Variants in INPP5D observed in about 807,000 individuals in gnomAD.
INPP5D encodes phosphatidylinositol 3,4,5-trisphosphate 5-phosphatase 1.
In INPP5D, 33 loss-of-function variants were observed where a neutral mutation model predicts 122.9. The ratio of observed to expected loss-of-function variants is 0.27; its 90% confidence interval spans 0.20 to 0.36. The LOEUF is 0.36. Among genes scored for constraint, INPP5D ranks in the 10% least tolerant of loss-of-function variants. The probability of loss-of-function intolerance (pLI) is 1.00; values close to 1 mark genes in which losing one functional copy is unlikely to be tolerated. For missense variants in INPP5D, 1,053 were observed against 1,412.7 expected (o/e 0.75, Z 4.08); for synonymous variants, 584 against 576.2 (o/e 1.01, Z -0.19).
chr2:233,152,865 G>T (rs1007573595), intron 9 of INPP5D, among the ~76,000 whole-genome samples: 1 of 38,036 alleles, frequency 2.6e-5, no homozygotes, highest in Non-Finnish European at 4.7e-5. Flanking sequence ...TTTTCAGCTG[G>T]GGGGGGTGTG....
intron 3 of INPP5D, among the ~76,000 whole-genome samples, chr2:233,123,825 A>G (rs1693071406): frequency 1.3e-5 from 2 of 152,364 alleles, no homozygotes; most frequent in South Asian, 2.1e-4. Context: ...AGGAACATGG[A>G]TGGAGCTGGA....
At chr2:233,106,107 G>A (rs60178340) in intron 2 of INPP5D, among the ~76,000 whole-genome samples, 6,065 of 152,298 alleles carry the variant, frequency 0.04, 169 homozygotes, top group African/African-American at 0.066. Context: ...GGAAGACCCC[G>A]GGGGAAAGTT....
intron 13 of INPP5D, among the ~76,000 whole-genome samples, chr2:233,167,619 C>G (rs1223947626): frequency 1.3e-5 from 2 of 152,168 alleles, no homozygotes; most frequent in African/African-American, 4.8e-5. Flanking sequence ...GGGCAGAAAG[C>G]CTGTGTACTC....
In INPP5D at chr2:233,078,498, G is replaced by A. The variant is rs1574707359; in HGVS notation, c.135-837G>A. The stretch of plus-strand genomic sequence containing the variant: ...ATAATCCACGGGGCATAGTGTCCAA[G>A]AGGATGAAGCCATTTGGGGGTGGCA... On this transcript the variant is annotated intron_variant, in intron 1 of 26. Coordinates refer to ENST00000445964, the MANE Select transcript of INPP5D (RefSeq NM_001017915.3). The surrounding 1 kb of genome is among the most constrained non-coding windows in gnomAD (Gnocchi z 4.6). Among the ~76,000 whole-genome samples the A allele has an allele frequency of 6.6e-6, 1 of 152,180 alleles. No individual in the cohort carries two copies.
At chr2:233,065,460 A>G (rs1320043785) in intron 1 of INPP5D, among the ~76,000 whole-genome samples, 2 of 113,420 alleles carry the variant, frequency 1.8e-5, no homozygotes, top group Non-Finnish European at 1.8e-5. Flanking sequence ...GGTGCCTGCC[A>G]CCACACCGGG....
intron 2 of INPP5D, among the ~76,000 whole-genome samples, chr2:233,118,499 T>C (rs932734364): frequency 1.3e-5 from 2 of 152,224 alleles, no homozygotes; most frequent in African/African-American, 2.4e-5. Flanking sequence ...GCTTTGAACG[T>C]AAGTTCTCTG....
chr2:233,145,898 C>T lies in INPP5D; in HGVS notation c.754-264C>T, dbSNP rs573932381. 40 of 634,686 alleles carry T rather than the reference C, an allele frequency of 6.3e-5. No homozygotes were observed. The African/African-American group carries it at 7.0e-4, about 11-fold the overall frequency. The allele number at this position is 634,686 out of a possible 1,614,324, so 39.3% of individuals were successfully genotyped here. A position where few individuals can be genotyped will look rare whatever the true frequency, so the allele number is the denominator to read the frequency against. ...GGACAGTCCTCGAGTTTTGTTTAAG[C>T]AACGGAGTGGGTGAGGTGAGAAGCA... On this transcript the variant is annotated intron_variant, in intron 6 of 26. Transcript: ENST00000445964.
chr2:233,072,023 CCAGTATTTCTAAAACACTA>C (rs1230204979), intron 1 of INPP5D, among the ~76,000 whole-genome samples: 1 of 152,126 alleles, frequency 6.6e-6, no homozygotes, highest in Non-Finnish European at 1.5e-5. Context: ...ATTGCATGGG[CCAGTATTTCTAAAACACTA>C]CAGTGGGGAA....
rs1240227829 is a variant in INPP5D at position 233,177,210 on chromosome 2, A to T, written c.1990-55A>T. 4 of 1,608,622 alleles carry T rather than the reference A, an allele frequency of 2.5e-6. No individual in the cohort carries two copies. Among genetic ancestry groups the T allele is most frequent in the Admixed American group, 3.3e-5 (2 of 59,758 alleles). On this transcript the variant is annotated intron_variant, in intron 17 of 26. Transcript: ENST00000445964. The surrounding 1 kb of genome is among the most constrained non-coding windows in gnomAD (Gnocchi z 4.2). ...CACCAGTTAATCTGTTCTTTTACTG[A>T]TTAAAAAAATAATAATAAGAGGCAT...
At chr2:233,116,284 T>TATAGATATAGATATAG (rs761713904) in intron 2 of INPP5D, among the ~76,000 whole-genome samples, 1 of 81,896 alleles carries the variant, frequency 1.2e-5, no homozygotes, top group African/African-American at 4.0e-5. Context: ...TAGATATAGA[T>TATAGATATAGATATAG]ATATAGATAT....
At chr2:233,157,135 C>T (rs901984281) in intron 9 of INPP5D, among the ~76,000 whole-genome samples, 3 of 152,204 alleles carry the variant, frequency 2.0e-5, no homozygotes, top group African/African-American at 7.2e-5. Context: ...AAAAATGTAT[C>T]ACCGATTCTT....
At chr2:233,145,208 T>C (rs1296774984) in intron 6 of INPP5D, 1 of 456,084 alleles carries the variant, frequency 2.2e-6, no homozygotes, top group Non-Finnish European at 4.4e-6. Flanking sequence ...AATAAGTGCA[T>C]GAGACCATGT....
chr2:233,145,465 A>G (rs957335199), intron 6 of INPP5D, among the ~76,000 whole-genome samples: 4 of 152,190 alleles, frequency 2.6e-5, no homozygotes, highest in Non-Finnish European at 5.9e-5. Context: ...GAAGGAGATG[A>G]CTTTAGCTCG....
At chr2:233,070,913 GT>G (rs1691363393) in intron 1 of INPP5D, among the ~76,000 whole-genome samples, 2 of 152,088 alleles carry the variant, frequency 1.3e-5, no homozygotes, top group East Asian at 3.8e-4. Context: ...TTTTACTTTT[GT>G]TTTTGTTTGT....
At position 233,179,469 on chromosome 2, in the gene INPP5D, A is replaced by C. The variant is rs549377855; in HGVS notation, c.2071+2123A>C. Among the ~76,000 whole-genome samples, 4 of 152,374 alleles carry C rather than the reference A, an allele frequency of 2.6e-5. No individual in the cohort carries two copies. In the South Asian group the frequency reaches 8.3e-4, roughly 32 times the overall value. The stretch of plus-strand genomic sequence containing the variant: ...TGTTTTGCACCTAAACTTGGCATTC[A>C]AAACTGCTCGACAGTGGAGGCTTTA... On this transcript the variant is annotated intron_variant, in intron 18 of 26. Coordinates refer to ENST00000445964, the MANE Select transcript of INPP5D (RefSeq NM_001017915.3).
At chr2:233,081,896 C>T (rs527852613) in intron 2 of INPP5D, among the ~76,000 whole-genome samples, 1 of 152,258 alleles carries the variant, frequency 6.6e-6, no homozygotes, top group East Asian at 1.9e-4. Flanking sequence ...CGGCTTTCTC[C>T]GCATGAGCCA....
At chr2:233,129,648 C>A (rs1451217196) in intron 4 of INPP5D, among the ~76,000 whole-genome samples, 1 of 152,158 alleles carries the variant, frequency 6.6e-6, no homozygotes, top group Non-Finnish European at 1.5e-5. Context: ...CATTCCATAT[C>A]CCCAGCCCCA....
intron 13 of INPP5D, among the ~76,000 whole-genome samples, chr2:233,167,733 C>T (rs750045023): frequency 1.5e-4 from 23 of 152,162 alleles, no homozygotes; most frequent in Non-Finnish European, 2.8e-4. Context: ...GGCCGGGTGC[C>T]GTGGCTCACG....
At position 233,122,127 on chromosome 2, in the gene INPP5D, G is replaced by A; in HGVS notation, c.219G>A (p.Met73Ile). The A allele has an allele frequency of 1.9e-6, 3 of 1,613,992 alleles. No homozygotes were observed. Among genetic ancestry groups the A allele is most frequent in the Non-Finnish European group, 2.5e-6 (3 of 1,179,892 alleles). ...CTCAGGCATCCGAAGGCGTCTCCAT[G>A]AGGTTCTTCACCAAGCTGGACCAGC... ...FTVQASEGVS[M>I]RFFTKLDQLI... The change falls in exon 3 of 27, where the codon ATG becomes ATA. Residue 73 changes from methionine to isoleucine, a missense_variant. By Grantham distance (10) the Met-to-Ile change is conservative. Coordinates refer to ENST00000445964, the MANE Select transcript of INPP5D (RefSeq NM_001017915.3).
Sources: allele counts gnomAD v4.1 joint callset (sites outside exome capture counted in the v4.1 genomes callset), GRCh38; gene constraint gnomAD v4.1.1; non-coding constraint Gnocchi (gnomAD v3.1); transcripts MANE v1.5; gene names NCBI Gene and HGNC (gene_info 2026-07-23, HGNC 2026-07-21).